NHSL2: variants seen among roughly 807,000 people sequenced by gnomAD.
NHSL2 encodes NHS-like protein 2.
NHSL2 carries 27 observed loss-of-function variants against 53.4 expected under a neutral mutation model. The observed-to-expected ratio is 0.51, with a 90% CI of 0.37 to 0.70. The LOEUF is 0.70. Ranked by LOEUF, NHSL2 falls within the 30% of genes least tolerant of loss-of-function variation. The probability of loss-of-function intolerance (pLI) is 0.00; values close to 1 mark genes in which losing one functional copy is unlikely to be tolerated. For missense variants in NHSL2, 892 were observed against 980.1 expected (o/e 0.91, Z 1.20); for synonymous variants, 408 against 404.1 (o/e 1.01, Z -0.12).
rs1178226532 is a variant in NHSL2, at chrX:72,152,541, G to C, written c.*8967G>C. 3 of 112,178 alleles carry C rather than the reference G, an allele frequency of 2.7e-5. No homozygotes were observed. Among genetic ancestry groups the C allele is most frequent in the Non-Finnish European group, 5.6e-5 (3 of 53,173 alleles). 9.2% of individuals were successfully genotyped at this position (112,178 alleles called of 1,213,427 possible). On this transcript the variant is annotated 3_prime_UTR_variant, in exon 8 of 8. Coordinates refer to ENST00000633930, the MANE Select transcript of NHSL2 (RefSeq NM_001013627.3). Reference sequence around the variant, plus strand: ...AATTCAAAACAGGCTGACATACAGAGGGCTAGCACTCTAATTTGATGTGGA... The same window carrying C: ...AATTCAAAACAGGCTGACATACAGACGGCTAGCACTCTAATTTGATGTGGA...
chrX:72,024,626 A>G (rs2042176403), intron 1 of NHSL2, among the ~76,000 whole-genome samples: 2 of 112,075 alleles, frequency 1.8e-5, no homozygotes, highest in Non-Finnish European at 3.8e-5. Flanking sequence ...AAAAGAGCAC[A>G]CAAAGCTGTT....
chrX:72,137,066 C>T (rs1399632885), intron 4 of NHSL2, 28 bp from the exon 5 acceptor site: 40 of 1,153,579 alleles, frequency 3.5e-5, no homozygotes, highest in Non-Finnish European at 4.6e-5. Flanking sequence ...AACCAGGATG[C>T]ACCCAAGTGT....
At chrX:72,033,332 G>A (rs773846684) in intron 1 of NHSL2, among the ~76,000 whole-genome samples, 5 of 110,641 alleles carry the variant, frequency 4.5e-5, no homozygotes, top group African/African-American at 6.6e-5. Flanking sequence ...GGCTACAGGC[G>A]CACGCCACCA....
chrX:72,018,419 A>C (rs1602311786), intron 1 of NHSL2, among the ~76,000 whole-genome samples: 1 of 112,846 alleles, frequency 8.9e-6, no homozygotes, highest in Non-Finnish European at 1.9e-5. Flanking sequence ...GTGAAAACTC[A>C]ACGCGACAAG....
At chrX:71,947,685 C>T (rs1039902310) in intron 1 of NHSL2, among the ~76,000 whole-genome samples, 1 of 112,024 alleles carries the variant, frequency 8.9e-6, no homozygotes, top group South Asian at 3.7e-4. Context: ...CTGTAGTGTC[C>T]CTGCTTCCCT....
intron 1 of NHSL2, among the ~76,000 whole-genome samples, chrX:72,008,878 C>T (rs2042104729): frequency 8.9e-6 from 1 of 111,955 alleles, no homozygotes; most frequent in Non-Finnish European, 1.9e-5. Context: ...TGTCACCAGT[C>T]TCCCAAAGTG....
intron 1 of NHSL2, among the ~76,000 whole-genome samples, chrX:71,952,564 G>A (rs1390632545): frequency 1.8e-5 from 2 of 111,194 alleles, no homozygotes; most frequent in South Asian, 3.8e-4. Flanking sequence ...TGGGAGAAGG[G>A]GTAAACAGGC....
intron 1 of NHSL2, among the ~76,000 whole-genome samples, chrX:71,961,624 G>A (rs1192887434): frequency 9.0e-6 from 1 of 111,171 alleles, no homozygotes; most frequent in African/African-American, 3.3e-5. Flanking sequence ...TACGATGTTA[G>A]CTTTGGGTAG....
chrX:71,963,572 A>G (rs1453413408), intron 1 of NHSL2, among the ~76,000 whole-genome samples: 1 of 110,634 alleles, frequency 9.0e-6, no homozygotes, highest in Non-Finnish European at 1.9e-5. Context: ...TCAAAGATAC[A>G]AATAGATTGA....
intron 1 of NHSL2, among the ~76,000 whole-genome samples, chrX:72,090,807 G>A (rs1602360707): frequency 9.8e-6 from 1 of 102,521 alleles, no homozygotes; most frequent in African/African-American, 3.9e-5. Flanking sequence ...GTGTGTGTGT[G>A]TATGGAGAGG....
intron 1 of NHSL2, among the ~76,000 whole-genome samples, chrX:72,120,446 A>G (rs1461715311): frequency 8.9e-6 from 1 of 112,302 alleles, no homozygotes; most frequent in Non-Finnish European, 1.9e-5. Flanking sequence ...TAGGAATTTA[A>G]GCATTTCATC....
In NHSL2 at chrX:72,140,704, G is replaced by T. The variant is rs1315843698; in HGVS notation, c.3156G>T (p.Leu1052=). Residue 1052 remains leucine (L), a synonymous_variant, in exon 6 of 8, where the codon CTG becomes CTT. Transcript: ENST00000633930. ...DTKCPATGDD[L]QSLGQRVTST... is the part of the protein sequence containing the mutation. Reference sequence around the variant, plus strand: ...AGTGTCCCGCCACCGGCGATGACCTGCAATCACTTGGTCAAAGGGTGACTT... The same window carrying T: ...AGTGTCCCGCCACCGGCGATGACCTTCAATCACTTGGTCAAAGGGTGACTT... 1 of 1,207,986 alleles carries T rather than the reference G, an allele frequency of 8.3e-7. No homozygotes were observed. The highest frequency in any genetic ancestry group is 3.0e-5 in the East Asian group (1 of 33,828).
intron 1 of NHSL2, among the ~76,000 whole-genome samples, chrX:72,004,450 A>G (rs2042084620): frequency 8.9e-6 from 1 of 111,748 alleles, no homozygotes; most frequent in South Asian, 3.8e-4. Context: ...GCGGCTGCAC[A>G]TTCCCAGTCT....
intron 1 of NHSL2, among the ~76,000 whole-genome samples, chrX:72,124,625 C>T (rs377175118): frequency 5.4e-5 from 6 of 111,314 alleles, no homozygotes; most frequent in Non-Finnish European, 7.5e-5. Flanking sequence ...TTTCCAACGG[C>T]GTGGGTGCAG....
chrX:71,938,446 G>A (rs947273931), intron 1 of NHSL2, among the ~76,000 whole-genome samples: 6 of 112,223 alleles, frequency 5.3e-5, no homozygotes, highest in African/African-American at 1.3e-4. Flanking sequence ...TCTCCTTGGC[G>A]TCTTCTTCTC....
chrX:72,138,952 C>G lies in NHSL2; in HGVS notation c.1404C>G (p.Pro468=). The G allele has an allele frequency of 8.3e-7, 1 of 1,204,607 alleles. No homozygotes were observed. Among genetic ancestry groups the G allele is most frequent in the Non-Finnish European group, 1.1e-6 (1 of 891,764 alleles). The part of the protein sequence containing the change: ...PERLIQQRHM[P]ERPSKIGLLT... Reference sequence around the variant, plus strand: ...GCCTTATTCAGCAAAGGCACATGCCCGAAAGACCCTCCAAGATTGGCCTTC... The same window carrying G: ...GCCTTATTCAGCAAAGGCACATGCCGGAAAGACCCTCCAAGATTGGCCTTC... Residue 468 remains proline, a synonymous_variant, in exon 6 of 8, where the codon CCC becomes CCG. Transcript: ENST00000633930.
intron 1 of NHSL2, among the ~76,000 whole-genome samples, chrX:71,917,113 A>T (rs1194287648): frequency 8.9e-6 from 1 of 112,336 alleles, no homozygotes; most frequent in Non-Finnish European, 1.9e-5. Context: ...TGCCACAAAC[A>T]GGAGGTATGT....
chrX:72,077,201 G>A (rs1427937305), intron 1 of NHSL2, among the ~76,000 whole-genome samples: 1 of 110,547 alleles, frequency 9.0e-6, no homozygotes, highest in Non-Finnish European at 1.9e-5. Flanking sequence ...TCTGGGACCT[G>A]GCTTTGGGGG....
chrX:72,103,157 A>G (rs996101684), intron 1 of NHSL2, among the ~76,000 whole-genome samples: 1 of 112,119 alleles, frequency 8.9e-6, no homozygotes, highest in Non-Finnish European at 1.9e-5. Flanking sequence ...CTCTTGACCT[A>G]GCAAAGTCCC....
Sources: allele counts gnomAD v4.1 joint callset (sites outside exome capture counted in the v4.1 genomes callset), GRCh38; gene constraint gnomAD v4.1.1; transcripts MANE v1.5; gene names NCBI Gene and HGNC (gene_info 2026-07-23, HGNC 2026-07-21).